PARD3B: variants seen among roughly 807,000 people sequenced by gnomAD.
PARD3B encodes par-3 family cell polarity regulator beta, also known as partitioning defective 3 homolog B.
PARD3B carries 103 observed loss-of-function variants against 130.2 expected under a neutral mutation model. That is an observed-to-expected ratio of 0.79 (90% CI 0.67 to 0.93). The LOEUF is 0.93. PARD3B is among the 40% of genes least tolerant of loss of function. PARD3B has a pLI of 0.00. For synonymous variants in PARD3B, 583 were observed against 553.2 expected, an observed-to-expected ratio of 1.05 and a Z score of -0.76; for missense variants, 1,609 against 1,499.2, an observed-to-expected ratio of 1.07 and a Z score of -1.21.
At chr2:204,771,803 G>A (rs1266194065) in intron 2 of PARD3B, among the ~76,000 whole-genome samples, 2 of 151,998 alleles carry the variant, frequency 1.3e-5, no homozygotes, top group Non-Finnish European at 1.5e-5. Context: ...TGATGCTTGT[G>A]TATAAGAATG....
chr2:204,703,187 G>A (rs1310977721), intron 2 of PARD3B, among the ~76,000 whole-genome samples: 1 of 152,142 alleles, frequency 6.6e-6, no homozygotes, highest in Non-Finnish European at 1.5e-5. Context: ...ACCTGATTAA[G>A]CCAGGACTCA....
intron 15 of PARD3B, among the ~76,000 whole-genome samples, chr2:205,211,481 G>A (rs2125849273): frequency 6.6e-6 from 1 of 152,090 alleles, no homozygotes; most frequent in Admixed American, 6.6e-5. Flanking sequence ...CCTTTCTTTA[G>A]TGGAAATACT....
intron 3 of PARD3B, among the ~76,000 whole-genome samples, chr2:204,983,237 G>A (rs1692832183): frequency 6.6e-6 from 1 of 152,010 alleles, no homozygotes; most frequent in Non-Finnish European, 1.5e-5. Context: ...TTCTTTATTT[G>A]GTAGTTTCAT....
At chr2:205,527,789 T>C (rs918056) in intron 21 of PARD3B, among the ~76,000 whole-genome samples, 72,359 of 152,026 alleles carry the variant, frequency 0.48, 18,709 homozygotes, top group Middle Eastern at 0.65. Context: ...TCTAGGTCTC[T>C]CTCAGGAAAA....
Position 204,954,207 on chromosome 2 carries a change from G to A in PARD3B, c.223-10945G>A, listed in dbSNP as rs559568777. On this transcript the variant is annotated intron_variant, in intron 2 of 22. Transcript: ENST00000406610. Reference sequence around the variant, plus strand: ...AGGAAAAGGTTAGCACTTCCACTCAGACAGAAGGAGTTCAGCAGCTAAACC... The same window carrying A: ...AGGAAAAGGTTAGCACTTCCACTCAAACAGAAGGAGTTCAGCAGCTAAACC... Among the ~76,000 whole-genome samples the A allele has an allele frequency of 4.6e-5, 7 of 152,286 alleles. No individual in the cohort carries two copies. The East Asian group carries it at 1.4e-3, about 29-fold the overall frequency.
chr2:205,313,084 T>A (rs906941203), intron 18 of PARD3B, among the ~76,000 whole-genome samples: 2 of 151,784 alleles, frequency 1.3e-5, no homozygotes, highest in African/African-American at 4.8e-5. Flanking sequence ...TGAGAGAGAG[T>A]GCTATGTGAA....
chr2:205,418,273 A>G (rs1441495062), intron 19 of PARD3B, among the ~76,000 whole-genome samples: 1 of 152,176 alleles, frequency 6.6e-6, no homozygotes, highest in African/African-American at 2.4e-5. Context: ...TTGGGTAGAT[A>G]TCTTCTGCTA....
chr2:205,371,057 A>C (rs948243337), intron 18 of PARD3B, among the ~76,000 whole-genome samples: 1 of 152,180 alleles, frequency 6.6e-6, no homozygotes, highest in South Asian at 2.1e-4. Context: ...TCTCCCACCA[A>C]TATCAAATGC....
At chr2:204,877,056 T>C (rs1389133575) in intron 2 of PARD3B, among the ~76,000 whole-genome samples, 1 of 152,146 alleles carries the variant, frequency 6.6e-6, no homozygotes, top group Non-Finnish European at 1.5e-5. Flanking sequence ...TGGAATACTA[T>C]GCAGCCATAA....
intron 1 of PARD3B, among the ~76,000 whole-genome samples, chr2:204,631,282 G>C (rs555488437): frequency 1.4e-5 from 2 of 147,240 alleles, no homozygotes; most frequent in Non-Finnish European, 3.0e-5. Context: ...ACAGAGTCTC[G>C]CTCTGTCACC....
chr2:204,554,394 A>G (rs2030769409), intron 1 of PARD3B, among the ~76,000 whole-genome samples: 1 of 152,044 alleles, frequency 6.6e-6, no homozygotes, highest in Non-Finnish European at 1.5e-5. Flanking sequence ...CTCCAAATCA[A>G]GTCCTCCTAC....
Position 205,176,929 on chromosome 2 carries a change from TA to T in PARD3B, c.1924+357del, listed in dbSNP as rs1188754268. 6.6e-6 allele frequency among the ~76,000 whole-genome samples: 1 copy of T among 152,184 alleles called. No homozygotes were observed. The highest frequency in any genetic ancestry group is 1.5e-5 in the Non-Finnish European group (1 of 68,018). Reference sequence around the variant, plus strand: ...GTATAAATAAATAACTACCAAAATTTAAAAATGTATGGATTTATAATCCATA... The same window carrying T: ...GTATAAATAAATAACTACCAAAATTTAAAATGTATGGATTTATAATCCATA... On this transcript the variant is annotated intron_variant, in intron 13 of 22. Transcript: ENST00000406610. This position sits in a 1 kb window ranked among gnomAD's most constrained non-coding sequence, Gnocchi z 5.3.
intron 2 of PARD3B, among the ~76,000 whole-genome samples, chr2:204,712,246 A>C (rs150169468): frequency 6.6e-6 from 1 of 152,332 alleles, no homozygotes; most frequent in Non-Finnish European, 1.5e-5. Flanking sequence ...TATGGTTTAA[A>C]AATTGTGTTA....
At position 204,915,147 on chromosome 2, in the gene PARD3B, T is replaced by C. The variant is rs575653292; in HGVS notation, c.223-50005T>C. 3.3e-5 allele frequency among the ~76,000 whole-genome samples: 5 copies of C among 152,272 alleles called. No homozygotes were observed. The South Asian group carries it at 1.0e-3, about 32-fold the overall frequency. On this transcript the variant is annotated intron_variant, in intron 2 of 22. Transcript: ENST00000406610. ...CTTGTCACATCTGGAAAACATTTCC[T>C]TAATGGAAAGAGAGAACATTGTTAG...
intron 15 of PARD3B, among the ~76,000 whole-genome samples, chr2:205,243,273 A>G (rs2125916328): frequency 6.6e-6 from 1 of 152,140 alleles, no homozygotes; most frequent in South Asian, 2.1e-4. Context: ...TTTGTTTCTC[A>G]TTAATGATGA....
At position 204,686,248 on chromosome 2, in the gene PARD3B, A is replaced by G. The variant is rs1357403610; in HGVS notation, c.188A>G (p.Asp63Gly). ...YTDGGILDPD[D>G]VLADVVEDKD... ...GATGGAGGAATCCTGGATCCAGATG[A>G]TGTCTTGGCAGATGTTGTTGAAGAT... Residue 63 changes from aspartate (D) to glycine (G), a missense_variant, in exon 2 of 23, where the codon GAT (aspartate) becomes GGT (glycine). By Grantham distance (94) the Asp-to-Gly change is moderately conservative. Coordinates refer to ENST00000406610, the MANE Select transcript of PARD3B (RefSeq NM_001302769.2). The G allele has an allele frequency of 1.2e-6, 2 of 1,612,484 alleles. No homozygotes were observed. Among genetic ancestry groups the G allele is most frequent in the South Asian group, 1.1e-5 (1 of 91,046 alleles).
intron 8 of PARD3B, 103 bp from the exon 9 acceptor site, chr2:205,124,224 C>A: frequency 2.1e-6 from 2 of 936,222 alleles, no homozygotes; most frequent in East Asian, 2.9e-5. Context: ...AAATATTTTA[C>A]TGATTCTATA....
At chr2:205,198,322 G>A (rs2036804572) in intron 15 of PARD3B, among the ~76,000 whole-genome samples, 1 of 152,130 alleles carries the variant, frequency 6.6e-6, no homozygotes. Context: ...GATGCATGAG[G>A]CATTCAGACG....
chr2:204,995,581 G>T (rs1419993906), intron 3 of PARD3B, among the ~76,000 whole-genome samples: 1 of 97,382 alleles, frequency 1.0e-5, no homozygotes, highest in African/African-American at 4.2e-5. Flanking sequence ...TTCTCGAGGA[G>T]TATCTTTGTG....
Sources: allele counts gnomAD v4.1 joint callset (sites outside exome capture counted in the v4.1 genomes callset), GRCh38; gene constraint gnomAD v4.1.1; non-coding constraint Gnocchi (gnomAD v3.1); transcripts MANE v1.5; gene names NCBI Gene and HGNC (gene_info 2026-07-23, HGNC 2026-07-21).